The following IGSF9B variants were observed in gnomAD, a reference collection of about 807,000 sequenced individuals.
The protein encoded by IGSF9B is protein turtle homolog B.
A neutral mutation model predicts 143.7 loss-of-function variants in IGSF9B; 48 were observed. The observed-to-expected ratio is 0.33, with a 90% confidence interval of 0.26 to 0.42. The LOEUF is 0.42. IGSF9B is among the 20% of genes least tolerant of loss of function. IGSF9B has a pLI of 1.00. For missense variants in IGSF9B, 1,706 were observed against 1,980.0 expected (o/e 0.86, Z 2.63); for synonymous variants, 903 against 833.1 (o/e 1.08, Z -1.44).
chr11:133,942,775 C>T (rs1939974837), intron 3 of IGSF9B, among the ~76,000 whole-genome samples: 1 of 152,282 alleles, frequency 6.6e-6, no homozygotes, highest in East Asian at 1.9e-4. Context: ...CACCAAAAGG[C>T]GGTGACTCAA....
chr11:133,925,825 C>T lies in IGSF9B; in HGVS notation c.1948G>A (p.Glu650Lys), dbSNP rs1939613857. The T allele has an allele frequency of 6.2e-7, 1 of 1,613,832 alleles. No homozygotes were observed. The highest frequency in any genetic ancestry group is 1.7e-5 in the Admixed American group (1 of 60,002). ...TCCCAGCGCTCTGCGACACGGAACTCCATGATGTAGCGGTCGATGGGAAAG... is the reference window on the plus strand; with the variant it reads ...TCCCAGCGCTCTGCGACACGGAACTTCATGATGTAGCGGTCGATGGGAAAG... ...HSFPIDRYIMEFRVAERWELL... is the reference protein window; with the variant it reads ...HSFPIDRYIMKFRVAERWELL... The change falls in exon 14 of 20, where the codon GAG becomes AAG. Residue 650 changes from glutamate to lysine, a missense_variant. This residue lies in a region of IGSF9B where 267 missense variants were observed against 321.1 expected (regional missense o/e 0.83). Transcript: ENST00000533871.
intron 1 of IGSF9B, among the ~76,000 whole-genome samples, chr11:133,946,780 C>T (rs557480535): frequency 6.6e-6 from 1 of 152,346 alleles, no homozygotes; most frequent in East Asian, 1.9e-4. Flanking sequence ...CACCCCACCC[C>T]CAGCTCAGCC....
intron 3 of IGSF9B, among the ~76,000 whole-genome samples, chr11:133,941,057 C>G (rs977306689): frequency 6.6e-6 from 1 of 152,164 alleles, no homozygotes; most frequent in Non-Finnish European, 1.5e-5. Context: ...CCTGAAGTGA[C>G]AAATTACTTA....
chr11:133,932,125 T>A lies in IGSF9B; in HGVS notation c.1056A>T (p.Pro352=), dbSNP rs1939742844. ...TGTTCCACTTGACCACGGTGGCCGG[T>A]GGTTCTGCGTCCACAGGGCAGCGGA... is the stretch of plus-strand genomic sequence containing the variant. ...GYIRCPVDAE[P]PATVVKWNKD... Residue 352 remains proline, a synonymous_variant, in exon 8 of 20, where the codon CCA becomes CCT. Transcript: ENST00000533871. 1.9e-6 allele frequency: 3 copies of A among 1,613,584 alleles called. No individual in the cohort carries two copies. The highest frequency in any genetic ancestry group is 2.5e-6 in the Non-Finnish European group (3 of 1,179,744).
intron 7 of IGSF9B, among the ~76,000 whole-genome samples, chr11:133,934,756 C>T (rs979966155): frequency 2.0e-5 from 3 of 152,206 alleles, no homozygotes; most frequent in East Asian, 1.9e-4. Flanking sequence ...GTCCTCAGCT[C>T]GTACACTGAC....
intron 16 of IGSF9B, 60 bp from the exon 17 acceptor site, chr11:133,922,282 G>T: frequency 7.1e-7 from 1 of 1,416,616 alleles, no homozygotes; most frequent in Non-Finnish European, 9.8e-7. Context: ...CGCAGCACGC[G>T]CATCTGCAGA....
chr11:133,947,737 TCTC>T (rs1940080849), intron 1 of IGSF9B, among the ~76,000 whole-genome samples: 1 of 151,300 alleles, frequency 6.6e-6, no homozygotes, highest in Admixed American at 6.6e-5. Context: ...TCTCTCTCTC[TCTC>T]GCATCTCTGG....
chr11:133,951,790 G>C (rs1232131031), intron 1 of IGSF9B: 2 of 179,232 alleles, frequency 1.1e-5, no homozygotes. Flanking sequence ...GGGCACCGTG[G>C]GCTCGGCCCC....
chr11:133,929,656 C>T lies in IGSF9B; in HGVS notation c.1631+15G>A, dbSNP rs773501260. 1 of 1,570,258 alleles carries T rather than the reference C, an allele frequency of 6.4e-7. No homozygotes were observed. On this transcript the variant is annotated intron_variant, in intron 12 of 19. Transcript: ENST00000533871. ...GAGAGCAAAGCATGCCGGGGTGACT[C>T]ACAGAGGTCCGTACCAAACTGAGAA...
In IGSF9B at chr11:133,939,804, G is replaced by A. The variant is rs151137678; in HGVS notation, c.410-1843C>T. Among the ~76,000 whole-genome samples, 171 of 112,966 alleles carry A rather than the reference G, an allele frequency of 1.5e-3. 1 individual carries two copies. Among genetic ancestry groups the A allele is most frequent in the African/African-American group, 4.9e-3 (140 of 28,866 alleles). 74.1% of individuals were successfully genotyped at this position (112,966 alleles called of 152,430 possible). A position where few individuals can be genotyped will look rare whatever the true frequency, so the allele number is the denominator to read the frequency against. ...CTCGCCCGTCCTCGCACGCGTCATC[G>A]CATGCAGAAACATACACCTTGCATG... is the stretch of plus-strand genomic sequence containing the variant. On this transcript the variant is annotated intron_variant, in intron 3 of 19. Coordinates refer to ENST00000533871, the MANE Select transcript of IGSF9B (RefSeq NM_001277285.4).
chr11:133,956,791 C>T lies in IGSF9B; in HGVS notation c.-37G>A, dbSNP rs1367182000. 7.3e-7 allele frequency: 1 copy of T among 1,368,904 alleles called. No individual in the cohort carries two copies. Among genetic ancestry groups the T allele is most frequent in the East Asian group, 3.1e-5 (1 of 32,190 alleles). The allele number at this position is 1,368,904 out of a possible 1,614,324, so 84.8% of individuals were successfully genotyped here. ...GCCAGCCCGGAGCCTCATCCTATCG[C>T]AAAGTGCTCCCGCGCCCGCACGCGC... On this transcript the variant is annotated 5_prime_UTR_variant, in exon 1 of 20. Coordinates refer to ENST00000533871, the MANE Select transcript of IGSF9B (RefSeq NM_001277285.4).
At chr11:133,952,364 C>T (rs1940176345) in intron 1 of IGSF9B, 1 of 239,300 alleles carries the variant, frequency 4.2e-6, no homozygotes, top group African/African-American at 2.2e-5. Flanking sequence ...CTCTGGTAAC[C>T]TCTGTGCTGC....
chr11:133,919,782 G>A lies in IGSF9B; in HGVS notation c.3943C>T (p.Leu1315Phe), dbSNP rs768468003. 221 of 1,494,844 alleles carry A rather than the reference G, an allele frequency of 1.5e-4. 1 individual carries two copies. The Middle Eastern group carries it at 5.3e-3, about 36-fold the overall frequency. The allele number at this position is 1,494,844 out of a possible 1,614,324, so 92.6% of individuals were successfully genotyped here. A position where few individuals can be genotyped will look rare whatever the true frequency, so the allele number is the denominator to read the frequency against. Residue 1315 changes from leucine (L) to phenylalanine (F), a missense_variant, in exon 18 of 20, where the codon CTC becomes TTC. Transcript: ENST00000533871. ...GTGGGTGGTGGGGTCTCCGGTCGGA[G>A]CAATTCCTCCCCCGTCCTTCGAGGG... ...PSPRRTGEEL[L>F]RPETPPPTLP...
chr11:133,902,267 C>G lies in IGSF9B; in HGVS notation c.*6802G>C, dbSNP rs996969652. 2.1e-5 allele frequency among the ~76,000 whole-genome samples: 3 copies of G among 145,862 alleles called. No homozygotes were observed. Among genetic ancestry groups the G allele is most frequent in the Admixed American group, 2.0e-4 (3 of 14,678 alleles). ...ACTCAACACACCACACACACTGCATCACACACACACACACCAGACACATCA... is the reference window on the plus strand; with the variant it reads ...ACTCAACACACCACACACACTGCATGACACACACACACACCAGACACATCA... On this transcript the variant is annotated 3_prime_UTR_variant, in exon 20 of 20. Transcript: ENST00000533871.
At position 133,918,960 on chromosome 11, in the gene IGSF9B, C is replaced by G. The variant is rs547713732; in HGVS notation, c.3983+782G>C. On this transcript the variant is annotated intron_variant, in intron 18 of 19. Coordinates refer to ENST00000533871, the MANE Select transcript of IGSF9B (RefSeq NM_001277285.4). ...GAAGGAGGGGCAGGGGGAGGAGGAGCGGGGACGGCAGGGAAGAAGGATGAG... is the reference window on the plus strand; with the variant it reads ...GAAGGAGGGGCAGGGGGAGGAGGAGGGGGGACGGCAGGGAAGAAGGATGAG... The G allele has an allele frequency of 3.5e-3, 1,625 of 467,580 alleles. 26 individuals carry two copies. The highest frequency in any genetic ancestry group is 0.03 in the African/African-American group (1,487 of 49,956). 29.0% of individuals were successfully genotyped at this position (467,580 alleles called of 1,614,324 possible). A position where few individuals can be genotyped will look rare whatever the true frequency, so the allele number is the denominator to read the frequency against.
chr11:133,953,990 G>A lies in IGSF9B; in HGVS notation c.64+2701C>T, dbSNP rs984711212. 6.6e-6 allele frequency among the ~76,000 whole-genome samples: 1 copy of A among 152,082 alleles called. No individual in the cohort carries two copies. Among genetic ancestry groups the A allele is most frequent in the African/African-American group, 2.4e-5 (1 of 41,388 alleles). On this transcript the variant is annotated intron_variant, in intron 1 of 19. Coordinates refer to ENST00000533871, the MANE Select transcript of IGSF9B (RefSeq NM_001277285.4). This position sits in a 1 kb window ranked among gnomAD's most constrained non-coding sequence, Gnocchi z 4.2. ...CCCGCACCCGAGGGCTGATGGAGTC[G>A]GGTCCCAACACAACATCATCCCTTT...
chr11:133,923,719 T>TA (rs1346624278), intron 15 of IGSF9B, among the ~76,000 whole-genome samples: 3 of 152,268 alleles, frequency 2.0e-5, no homozygotes, highest in African/African-American at 7.2e-5. Context: ...GGGGACCTAA[T>TA]ACAGGGAATG....
rs1394618509 is a variant in IGSF9B, at chr11:133,900,584, AGAAG to A, written c.*8481_*8484del. On this transcript the variant is annotated 3_prime_UTR_variant, in exon 20 of 20. Transcript: ENST00000533871. ...TTTTGTAAGTCCCCGGCTGGAGGCC[AGAAG>A]GAAGGTTCCACTAAGACCCCCTCTC... 6.6e-6 allele frequency: 1 copy of A among 152,666 alleles called. No individual in the cohort carries two copies. The highest frequency in any genetic ancestry group is 1.5e-5 in the Non-Finnish European group (1 of 68,056). The allele number at this position is 152,666 out of a possible 1,614,324, so 9.5% of individuals were successfully genotyped here.
intron 19 of IGSF9B, among the ~76,000 whole-genome samples, chr11:133,911,022 G>C (rs1047679179): frequency 4.6e-5 from 7 of 152,194 alleles, no homozygotes; most frequent in Admixed American, 4.6e-4. Flanking sequence ...CCGTCTCCCA[G>C]AGATTCATGG....
Sources: allele counts gnomAD v4.1 joint callset (sites outside exome capture counted in the v4.1 genomes callset), GRCh38; gene constraint gnomAD v4.1.1; regional missense constraint gnomAD v4.1.1; non-coding constraint Gnocchi (gnomAD v3.1); transcripts MANE v1.5; gene names NCBI Gene and HGNC (gene_info 2026-07-23, HGNC 2026-07-21).